MCHR2: variants seen among roughly 807,000 people sequenced by gnomAD.
MCHR2 encodes the protein melanin-concentrating hormone receptor 2.
In MCHR2, 15 loss-of-function variants were observed where a neutral mutation model predicts 24.8. The observed-to-expected ratio is 0.60, with a 90% CI of 0.40 to 0.93. The LOEUF is 0.93. Among genes scored for constraint, MCHR2 ranks in the 40% least tolerant of loss-of-function variants. The probability of loss-of-function intolerance (pLI) is 0.00; values close to 1 mark genes in which losing one functional copy is unlikely to be tolerated. For missense variants in MCHR2, 386 were observed against 408.7 expected, an observed-to-expected ratio of 0.94 and a Z score of 0.48; for synonymous variants, 151 against 147.6, an observed-to-expected ratio of 1.02 and a Z score of -0.17.
At chr6:99,946,929 T>A (rs1184451743) in intron 3 of MCHR2, among the ~76,000 whole-genome samples, 1 of 152,054 alleles carries the variant, frequency 6.6e-6, no homozygotes, top group African/African-American at 2.4e-5. Flanking sequence ...GGCATCTGGA[T>A]AATGCAGGGC....
chr6:99,951,488 T>G (rs1357930475), intron 2 of MCHR2, among the ~76,000 whole-genome samples: 1 of 152,152 alleles, frequency 6.6e-6, no homozygotes, highest in Non-Finnish European at 1.5e-5. Context: ...GGGAATTTTA[T>G]TTTCATTTCT....
At chr6:99,993,690 G>A (rs928606584) in intron 1 of MCHR2, among the ~76,000 whole-genome samples, 11 of 151,972 alleles carry the variant, frequency 7.2e-5, no homozygotes, top group African/African-American at 2.4e-4. Context: ...TTTCTTTGCC[G>A]AGTGTGAAAC....
intron 1 of MCHR2, among the ~76,000 whole-genome samples, chr6:99,990,507 G>A (rs1010280848): frequency 6.6e-6 from 1 of 152,080 alleles, no homozygotes; most frequent in Non-Finnish European, 1.5e-5. Flanking sequence ...AGTCCTGAGA[G>A]TATAGAAAGA....
At chr6:99,955,830 A>C (rs1775048284) in intron 2 of MCHR2, 136 bp downstream of exon 2, 2 of 713,614 alleles carry the variant, frequency 2.8e-6, no homozygotes, top group Non-Finnish European at 4.2e-6. Flanking sequence ...ATCTTCATTA[A>C]TTATCTTAAG....
chr6:99,934,843 C>G (rs4448104), intron 4 of MCHR2, among the ~76,000 whole-genome samples: 20,549 of 151,986 alleles, frequency 0.14, 1,614 homozygotes, highest in Non-Finnish European at 0.18. Flanking sequence ...ATAGTAGGCA[C>G]TGTTCTAAGC....
rs28795740 is a variant in MCHR2, at chr6:99,930,936, T to C, written c.707+3462A>G. 1.4e-3 allele frequency among the ~76,000 whole-genome samples: 208 copies of C among 152,274 alleles called. 1 individual carries two copies. The highest frequency in any genetic ancestry group is 4.9e-3 in the African/African-American group (202 of 41,550). On this transcript the variant is annotated intron_variant, in intron 5 of 5. Transcript: ENST00000281806. ...GCGCTCTGCTTTTTAGAGTTTCCAGTTTTTCTGCTCTGTTTTTTCCCCATC... is the reference window on the plus strand; with the variant it reads ...GCGCTCTGCTTTTTAGAGTTTCCAGCTTTTCTGCTCTGTTTTTTCCCCATC...
chr6:99,918,953 T>C lies in MCHR2; in HGVS notation c.*1987A>G, dbSNP rs1031282306. ...TAAAGCTAAGTCTTTAAAATCATAA[T>C]ATTTTTCTGTATTAAAAAAACAATG... On this transcript the variant is annotated 3_prime_UTR_variant, in exon 6 of 6. Transcript: ENST00000281806. Among the ~76,000 whole-genome samples the C allele has an allele frequency of 3.1e-4, 47 of 152,318 alleles. No individual in the cohort carries two copies. The highest frequency in any genetic ancestry group is 1.1e-3 in the African/African-American group (46 of 41,574).
At chr6:99,933,039 C>T (rs1239020587) in intron 5 of MCHR2, among the ~76,000 whole-genome samples, 1 of 147,290 alleles carries the variant, frequency 6.8e-6, no homozygotes, top group East Asian at 1.9e-4. Context: ...TTTAGAAATG[C>T]AAATTATTTT....
intron 1 of MCHR2, among the ~76,000 whole-genome samples, chr6:99,960,758 G>T (rs920456245): frequency 3.3e-5 from 5 of 152,106 alleles, no homozygotes; most frequent in Non-Finnish European, 5.9e-5. Flanking sequence ...AAATGGTGTT[G>T]GGAAAACTGG....
At chr6:99,921,309 G>A in intron 5 of MCHR2, 54 bp from the exon 6 acceptor site, 1 of 1,523,428 alleles carries the variant, frequency 6.6e-7, no homozygotes, top group Non-Finnish European at 8.9e-7. Flanking sequence ...GAAATTATGG[G>A]GCAATGTGTT....
intron 1 of MCHR2, among the ~76,000 whole-genome samples, chr6:99,989,986 A>C (rs1775839132): frequency 6.6e-6 from 1 of 152,206 alleles, no homozygotes; most frequent in African/African-American, 2.4e-5. Context: ...AGCAATATAT[A>C]ATCTTTTTAC....
intron 1 of MCHR2, among the ~76,000 whole-genome samples, chr6:99,985,755 A>T (rs9376636): frequency 0.22 from 33,021 of 152,142 alleles, 3,883 homozygotes; most frequent in South Asian, 0.42. Context: ...TATTCTGGAC[A>T]TTGGCCTAGG....
Position 99,947,844 on chromosome 6 carries a change from G to A in MCHR2, c.310C>T (p.Pro104Ser), listed in dbSNP as rs778973695. The A allele has an allele frequency of 2.5e-6, 4 of 1,613,648 alleles. No individual in the cohort carries two copies. Among genetic ancestry groups the A allele is most frequent in the Non-Finnish European group, 3.4e-6 (4 of 1,179,776 alleles). ...AGGGATGTGATGATGGTGCAGAGAG[G>A]CCCCCCAAACACCCACTCTCCCCCT... ...ARGGEWVFGG[P>S]LCTIITSLDT... is the part of the protein sequence containing the mutation. The change falls in exon 3 of 6, where the codon CCT becomes TCT. Residue 104 changes from proline (P) to serine (S), a missense_variant. Physicochemically the swap from Pro to Ser is moderately conservative, Grantham distance 74. Transcript: ENST00000281806.
intron 1 of MCHR2, among the ~76,000 whole-genome samples, chr6:99,963,041 T>A (rs1332630753): frequency 6.6e-6 from 1 of 151,828 alleles, no homozygotes; most frequent in East Asian, 1.9e-4. Flanking sequence ...AAAACCACAG[T>A]GAGATATCAC....
At chr6:99,929,676 T>C (rs1401794023) in intron 5 of MCHR2, among the ~76,000 whole-genome samples, 1 of 152,090 alleles carries the variant, frequency 6.6e-6, no homozygotes, top group African/African-American at 2.4e-5. Context: ...CCTTTTTTTG[T>C]TTTCCATTTG....
intron 2 of MCHR2, among the ~76,000 whole-genome samples, chr6:99,950,238 A>G (rs1774942054): frequency 6.6e-6 from 1 of 152,122 alleles, no homozygotes; most frequent in Non-Finnish European, 1.5e-5. Flanking sequence ...AATATGAATA[A>G]CACATTATAT....
chr6:99,979,300 T>G (rs1775620414), intron 1 of MCHR2, among the ~76,000 whole-genome samples: 1 of 152,152 alleles, frequency 6.6e-6, no homozygotes, highest in African/African-American at 2.4e-5. Flanking sequence ...ATCCCTGCAC[T>G]TTGCTCACTG....
intron 2 of MCHR2, among the ~76,000 whole-genome samples, chr6:99,949,570 A>C (rs1410113247): frequency 6.6e-6 from 1 of 152,096 alleles, no homozygotes; most frequent in Non-Finnish European, 1.5e-5. Context: ...TCAGATTCTC[A>C]TGTGAAACAT....
At chr6:99,983,682 C>T (rs913465259) in intron 1 of MCHR2, among the ~76,000 whole-genome samples, 12 of 152,108 alleles carry the variant, frequency 7.9e-5, no homozygotes, top group Non-Finnish European at 1.5e-4. Flanking sequence ...ATTTCTTCCT[C>T]GAAACACTCT....
Sources: allele counts gnomAD v4.1 joint callset (sites outside exome capture counted in the v4.1 genomes callset), GRCh38; gene constraint gnomAD v4.1.1; transcripts MANE v1.5; gene names NCBI Gene and HGNC (gene_info 2026-07-23, HGNC 2026-07-21).